The following DGKI variants were observed in gnomAD, a reference collection of about 807,000 sequenced individuals.
DGKI encodes DAG kinase iota.
DGKI carries 55 observed loss-of-function variants against 147.5 expected under a neutral mutation model. The observed-to-expected ratio is 0.37, with a 90% CI of 0.30 to 0.47. DGKI has a LOEUF of 0.47. Ranked by LOEUF, DGKI falls within the 20% of genes least tolerant of loss-of-function variation. The pLI, the probability that DGKI is intolerant of heterozygous loss-of-function variation, is 1.00. For missense variants in DGKI, 1,007 were observed against 1,323.8 expected (o/e 0.76, Z 3.71); for synonymous variants, 469 against 477.1 (o/e 0.98, Z 0.22).
chr7:137,843,011 C>A (rs1798591777), intron 1 of DGKI, among the ~76,000 whole-genome samples: 1 of 152,118 alleles, frequency 6.6e-6, no homozygotes, highest in Non-Finnish European at 1.5e-5. Context: ...AAGAGACAGT[C>A]CTTTGGAGTC....
chr7:137,506,411 C>A (rs1024968253), intron 21 of DGKI, among the ~76,000 whole-genome samples: 1 of 152,078 alleles, frequency 6.6e-6, no homozygotes, highest in Non-Finnish European at 1.5e-5. Context: ...AAAAACTATG[C>A]TGACAATAAA....
chr7:137,444,554 T>A (rs1480668379), intron 27 of DGKI, among the ~76,000 whole-genome samples: 1 of 152,224 alleles, frequency 6.6e-6, no homozygotes, highest in African/African-American at 2.4e-5. Context: ...TGCACCCTTA[T>A]CATTACCAGT....
At chr7:137,521,127 C>T (rs1177446719) in intron 21 of DGKI, among the ~76,000 whole-genome samples, 2 of 152,058 alleles carry the variant, frequency 1.3e-5, no homozygotes, top group African/African-American at 4.8e-5. Flanking sequence ...ATCTAACACT[C>T]TCATGGTCTT....
chr7:137,517,315 GAAAGAAAGAAAGAAAGAA>G (rs1816799693), intron 21 of DGKI, among the ~76,000 whole-genome samples: 2 of 99,366 alleles, frequency 2.0e-5, no homozygotes, highest in African/African-American at 8.6e-5. Context: ...AAGAAAGAAA[GAAAGAAAGAAAGAAAGAA>G]AGAAAGAGAA....
intron 3 of DGKI, among the ~76,000 whole-genome samples, chr7:137,671,058 G>A (rs1178652392): frequency 6.6e-6 from 1 of 152,184 alleles, no homozygotes; most frequent in Non-Finnish European, 1.5e-5. Flanking sequence ...GCTGCCTGGT[G>A]CTCATTCTTC....
intron 1 of DGKI, among the ~76,000 whole-genome samples, chr7:137,731,233 C>T (rs987626397): frequency 2.6e-5 from 4 of 152,044 alleles, no homozygotes; most frequent in Non-Finnish European, 4.4e-5. Flanking sequence ...TCTTCCAAAC[C>T]GTCTTCATTC....
At chr7:137,620,012 T>TACAC (rs1402816608) in intron 7 of DGKI, 72 bp from the exon 8 acceptor site, 24 of 714,714 alleles carry the variant, frequency 3.4e-5, no homozygotes, top group Admixed American at 1.3e-4. Context: ...GATAAATATG[T>TACAC]ACACACGCAC....
chr7:137,601,099 G>A (rs1449848486), intron 10 of DGKI, among the ~76,000 whole-genome samples: 4 of 150,900 alleles, frequency 2.7e-5, no homozygotes, highest in Non-Finnish European at 5.9e-5. Context: ...GTGAAACCCC[G>A]TCTCTACTAA....
intron 1 of DGKI, among the ~76,000 whole-genome samples, chr7:137,797,223 G>C (rs1030577380): frequency 1.1e-4 from 16 of 152,244 alleles, no homozygotes; most frequent in African/African-American, 3.9e-4. Context: ...AATTTTATGA[G>C]AAATTAAGAC....
At position 137,444,084 on chromosome 7, in the gene DGKI, T is replaced by C. The variant is rs1918837; in HGVS notation, c.2754A>G (p.Glu918=). 0.36 allele frequency: 554,064 copies of C among 1,537,572 alleles called. 105,882 individuals carry two copies. Among genetic ancestry groups the C allele is most frequent in the East Asian group, 0.63 (26,810 of 42,384 alleles). The change falls in exon 28 of 33, where the codon GAA becomes GAG. Residue 918 remains glutamate, a synonymous_variant. Transcript: ENST00000614521. The stretch of plus-strand genomic sequence containing the variant: ...AAGACAGATGATTCTTACCATGATC[T>C]TCTGAAGAGACTGGTGACCTAAAAG... The part of the protein sequence containing the change: ...SRVLQSPVSS[E]DHAILQAVIA...
At chr7:137,805,758 C>A (rs1309511824) in intron 1 of DGKI, among the ~76,000 whole-genome samples, 2 of 152,148 alleles carry the variant, frequency 1.3e-5, no homozygotes, top group Non-Finnish European at 2.9e-5. Context: ...CTCAGATGGG[C>A]ATAATCTCTT....
chr7:137,673,230 T>G (rs961171692), intron 3 of DGKI, among the ~76,000 whole-genome samples: 5 of 152,166 alleles, frequency 3.3e-5, no homozygotes, highest in Non-Finnish European at 5.9e-5. Flanking sequence ...CGTCAGGACT[T>G]CGACATATCT....
chr7:137,628,754 C>T (rs916458531), intron 6 of DGKI, among the ~76,000 whole-genome samples: 2 of 152,082 alleles, frequency 1.3e-5, no homozygotes, highest in African/African-American at 2.4e-5. Flanking sequence ...TGGGATTTTT[C>T]AATCAAATTG....
intron 8 of DGKI, among the ~76,000 whole-genome samples, chr7:137,611,323 C>A (rs1820356348): frequency 6.6e-6 from 1 of 152,232 alleles, no homozygotes; most frequent in Non-Finnish European, 1.5e-5. Context: ...ATTGGCATCA[C>A]CCAGAGAGTT....
intron 8 of DGKI, among the ~76,000 whole-genome samples, chr7:137,618,149 A>ATTT (rs1202086534): frequency 7.3e-4 from 5 of 6,842 alleles, no homozygotes; most frequent in South Asian, 8.8e-3. Flanking sequence ...ATATATATAT[A>ATTT]TATTTTTTTT....
intron 1 of DGKI, among the ~76,000 whole-genome samples, chr7:137,709,612 A>G (rs79209632): frequency 0.011 from 1,740 of 152,264 alleles, 19 homozygotes; most frequent in South Asian, 0.044. Context: ...GGCTTCATAA[A>G]TTTCCCTGCA....
At chr7:137,708,387 G>C (rs1388186886) in intron 1 of DGKI, among the ~76,000 whole-genome samples, 1 of 152,208 alleles carries the variant, frequency 6.6e-6, no homozygotes, top group African/African-American at 2.4e-5. Context: ...AGGAGTGGAA[G>C]TGACAGCTTT....
chr7:137,483,807 T>C (rs1334053620), intron 23 of DGKI, among the ~76,000 whole-genome samples: 1 of 152,144 alleles, frequency 6.6e-6, no homozygotes, highest in African/African-American at 2.4e-5. Flanking sequence ...TAGTATTCCA[T>C]AGTATATATG....
chr7:137,767,063 C>T (rs899890200), intron 1 of DGKI, among the ~76,000 whole-genome samples: 1 of 152,160 alleles, frequency 6.6e-6, no homozygotes, highest in African/African-American at 2.4e-5. Flanking sequence ...CTCTTCAGAG[C>T]CTTATTCATG....
Sources: gnomAD v4.1 joint callset for allele counts (sites outside exome capture counted in the v4.1 genomes callset) on GRCh38, gnomAD v4.1.1 for gene constraint, MANE v1.5 for transcripts, NCBI Gene and HGNC (gene_info 2026-07-23, HGNC 2026-07-21) for gene names.